EDAR: variants seen among roughly 807,000 people sequenced by gnomAD.
EDAR encodes the protein tumor necrosis factor receptor superfamily member EDAR.
In EDAR, 38 loss-of-function variants were observed where a neutral mutation model predicts 51.3. That is an observed-to-expected ratio of 0.74 (90% confidence interval 0.57 to 0.97). The LOEUF is 0.97. Among genes scored for constraint, EDAR ranks in the 50% least tolerant of loss-of-function variants. The probability of loss-of-function intolerance (pLI) is 0.00; values close to 1 mark genes in which losing one functional copy is unlikely to be tolerated. For missense variants in EDAR, 528 were observed against 595.0 expected, an observed-to-expected ratio of 0.89 and a Z score of 1.17; for synonymous variants, 227 against 242.1, an observed-to-expected ratio of 0.94 and a Z score of 0.58.
intron 1 of EDAR, among the ~76,000 whole-genome samples, chr2:108,932,733 G>C (rs918146878): frequency 8.6e-5 from 13 of 151,940 alleles, no homozygotes; most frequent in African/African-American, 3.1e-4. Context: ...GAAAGAGAAT[G>C]GTCCTTTAGG....
intron 1 of EDAR, among the ~76,000 whole-genome samples, chr2:108,980,074 G>A (rs973722172): frequency 8.6e-5 from 10 of 116,358 alleles, no homozygotes; most frequent in South Asian, 3.1e-4. Context: ...ATCGCCCATC[G>A]TCAAGTTCAA....
At position 108,895,430 on chromosome 2, in the gene EDAR, T is replaced by C. The variant is rs1300774984; in HGVS notation, c.*1477A>G. Reference sequence around the variant, plus strand: ...ATCACTAGCCTGGCTCCTGAGCTCTTGGCAGTTACAGGGATAGTACAATAA... The same window carrying C: ...ATCACTAGCCTGGCTCCTGAGCTCTCGGCAGTTACAGGGATAGTACAATAA... On this transcript the variant is annotated 3_prime_UTR_variant, in exon 12 of 12. Transcript: ENST00000258443. 1 of 152,618 alleles carries C rather than the reference T, an allele frequency of 6.6e-6. No individual in the cohort carries two copies. The highest frequency in any genetic ancestry group is 2.4e-5 in the African/African-American group (1 of 41,458). The allele number at this position is 152,618 out of a possible 1,614,324, so 9.5% of individuals were successfully genotyped here.
intron 1 of EDAR, among the ~76,000 whole-genome samples, chr2:108,964,914 C>T (rs1342295767): frequency 6.6e-6 from 1 of 152,132 alleles, no homozygotes; most frequent in African/African-American, 2.4e-5. Flanking sequence ...GAATAAGGAA[C>T]AGTTCATTCA....
intron 11 of EDAR, among the ~76,000 whole-genome samples, chr2:108,902,537 G>A (rs1234688538): frequency 2.0e-5 from 3 of 152,142 alleles, no homozygotes; most frequent in East Asian, 1.9e-4. Flanking sequence ...CTTATTCTAT[G>A]AGGGTAGTAT....
chr2:108,904,398 T>C (rs1399174401), intron 11 of EDAR, among the ~76,000 whole-genome samples: 1 of 152,198 alleles, frequency 6.6e-6, no homozygotes, highest in Admixed American at 6.5e-5. Flanking sequence ...AGAAAACGGT[T>C]TGGCAGTTTT....
intron 1 of EDAR, among the ~76,000 whole-genome samples, chr2:108,963,600 G>C (rs866725094): frequency 2.0e-5 from 3 of 152,194 alleles, no homozygotes; most frequent in African/African-American, 7.2e-5. Flanking sequence ...CAAGACAGAA[G>C]ACAATTACAA....
intron 5 of EDAR, among the ~76,000 whole-genome samples, chr2:108,915,241 G>A (rs1370557393): frequency 6.6e-6 from 1 of 152,196 alleles, no homozygotes; most frequent in African/African-American, 2.4e-5. Context: ...GTTCTCAGGA[G>A]AAACGCACAC....
intron 1 of EDAR, 40 bp from the exon 2 acceptor site, chr2:108,931,072 A>C (rs1574387120): frequency 6.4e-7 from 1 of 1,573,828 alleles, no homozygotes; most frequent in Non-Finnish European, 8.7e-7. Flanking sequence ...TGGCGGTAGC[A>C]CCCCAGCCGG....
intron 6 of EDAR, among the ~76,000 whole-genome samples, chr2:108,911,303 C>T (rs989186436): frequency 2.6e-5 from 4 of 152,202 alleles, no homozygotes; most frequent in African/African-American, 9.7e-5. Flanking sequence ...CCTCTCCAGA[C>T]TTCTCTGGGG....
At chr2:108,958,113 C>A (rs1697960025) in intron 1 of EDAR, among the ~76,000 whole-genome samples, 1 of 152,182 alleles carries the variant, frequency 6.6e-6, no homozygotes, top group South Asian at 2.1e-4. Context: ...AACGCACACA[C>A]CCCTGCACTT....
chr2:108,975,474 C>G (rs1431236424), intron 1 of EDAR, among the ~76,000 whole-genome samples: 2 of 152,156 alleles, frequency 1.3e-5, no homozygotes, highest in Non-Finnish European at 2.9e-5. Flanking sequence ...CTACTTTAAC[C>G]TGGGACCCTA....
At chr2:108,948,942 A>AC (rs1053442738) in intron 1 of EDAR, among the ~76,000 whole-genome samples, 4 of 152,110 alleles carry the variant, frequency 2.6e-5, no homozygotes, top group Non-Finnish European at 5.9e-5. Flanking sequence ...AGACAGTGAG[A>AC]CCCCCATCAC....
rs560799660 is a variant in EDAR, at chr2:108,906,959, A to G, written c.964-591T>C. Among the ~76,000 whole-genome samples, 31 of 150,918 alleles carry G rather than the reference A, an allele frequency of 2.1e-4. No homozygotes were observed. In the South Asian group the frequency reaches 6.5e-3, roughly 32 times the overall value. On this transcript the variant is annotated intron_variant, in intron 10 of 11. Transcript: ENST00000258443. The stretch of plus-strand genomic sequence containing the variant: ...AGGATCCCAACTGGGCATTTTTGCC[A>G]TCAGTGATGTTGCCTAGCAACACAG...
chr2:108,898,942 A>C (rs1012793517), intron 11 of EDAR, among the ~76,000 whole-genome samples: 1 of 152,190 alleles, frequency 6.6e-6, no homozygotes, highest in Non-Finnish European at 1.5e-5. Context: ...TTATAACAGA[A>C]GAGCTAACAT....
chr2:108,988,503 G>A (rs1277808577), intron 1 of EDAR, among the ~76,000 whole-genome samples: 1 of 152,156 alleles, frequency 6.6e-6, no homozygotes, highest in Admixed American at 6.5e-5. Context: ...AGACACGACT[G>A]GAAACCCCAC....
At chr2:108,937,126 G>A (rs1697487447) in intron 1 of EDAR, among the ~76,000 whole-genome samples, 1 of 152,248 alleles carries the variant, frequency 6.6e-6, no homozygotes, top group Non-Finnish European at 1.5e-5. Flanking sequence ...AAACAGAAGT[G>A]ACTGGCAACA....
chr2:108,902,207 C>CAAA (rs59896545), intron 11 of EDAR, among the ~76,000 whole-genome samples: 1 of 82,598 alleles, frequency 1.2e-5, no homozygotes. Context: ...GACTCCGTCT[C>CAAA]AAAAAAAAAA....
At chr2:108,977,124 C>T (rs1330942898) in intron 1 of EDAR, among the ~76,000 whole-genome samples, 1 of 152,156 alleles carries the variant, frequency 6.6e-6, no homozygotes, top group African/African-American at 2.4e-5. Flanking sequence ...TCCAGTGGCC[C>T]CCACTGGCCC....
chr2:108,925,085 T>G (rs556861292), intron 4 of EDAR, among the ~76,000 whole-genome samples: 1 of 152,212 alleles, frequency 6.6e-6, no homozygotes, highest in African/African-American at 2.4e-5. Flanking sequence ...CTAGGGGGAT[T>G]GGTCCCGCTC....
Sources: gnomAD v4.1 joint callset for allele counts (sites outside exome capture counted in the v4.1 genomes callset) on GRCh38, gnomAD v4.1.1 for gene constraint, MANE v1.5 for transcripts, NCBI Gene and HGNC (gene_info 2026-07-23, HGNC 2026-07-21) for gene names.